Variants in ARK2N observed in about 807,000 individuals in gnomAD.
ARK2N encodes arkadia (RNF111) N-terminal like PKA signaling regulator 2N.
chr18:46,197,786 A>G, the ARK2N span, among the ~76,000 whole-genome samples: 1 of 152,212 alleles, frequency 6.6e-6, no homozygotes, highest in East Asian at 1.9e-4. Flanking sequence ...TGATATAAAT[A>G]GCATTTCTGA....
At chr18:46,212,280 C>T in the ARK2N span, among the ~76,000 whole-genome samples, 6 of 152,244 alleles carry the variant, frequency 3.9e-5, no homozygotes, top group East Asian at 9.7e-4. Context: ...TGTTTGTATA[C>T]ATCACAAATT....
the ARK2N span, among the ~76,000 whole-genome samples, chr18:46,202,791 A>T: frequency 6.6e-6 from 1 of 150,940 alleles, no homozygotes; most frequent in African/African-American, 2.5e-5. Flanking sequence ...CGGTCGCAAA[A>T]AAATAAAAAT....
At chr18:46,179,185 C>T in the ARK2N span, among the ~76,000 whole-genome samples, 12 of 152,116 alleles carry the variant, frequency 7.9e-5, no homozygotes, top group East Asian at 7.8e-4. Context: ...CTCAAGTGAT[C>T]GCCCACCTTG....
the ARK2N span, among the ~76,000 whole-genome samples, chr18:46,243,340 CT>C: frequency 6.6e-6 from 1 of 152,078 alleles, no homozygotes; most frequent in Non-Finnish European, 1.5e-5. Context: ...TGGGTCCTGT[CT>C]TTCCCTTTCA....
At chr18:46,249,231 T>C in the ARK2N span, among the ~76,000 whole-genome samples, 287 of 151,876 alleles carry the variant, frequency 1.9e-3, 2 homozygotes, top group Middle Eastern at 0.02. Flanking sequence ...GCAGCATTCT[T>C]TTTTTTTACT....
chr18:46,232,218 G>A, the ARK2N span: 3 of 152,134 alleles, frequency 2.0e-5, no homozygotes, highest in African/African-American at 7.2e-5. Context: ...TTACATGAAT[G>A]TTATAAGAAA....
At chr18:46,251,551 A>G in the ARK2N span, among the ~76,000 whole-genome samples, 2 of 152,116 alleles carry the variant, frequency 1.3e-5, no homozygotes, top group Non-Finnish European at 1.5e-5. Context: ...TTTCACATAT[A>G]TGCATCATTT....
the ARK2N span, chr18:46,262,969 T>C: frequency 9.3e-6 from 15 of 1,614,180 alleles, 1 homozygote; most frequent in South Asian, 1.5e-4. Context: ...GAGTGTTTCT[T>C]CATGGAAGCA....
the ARK2N span, chr18:46,216,389 A>C: frequency 6.2e-7 from 1 of 1,614,128 alleles, no homozygotes; most frequent in Non-Finnish European, 8.5e-7. This position sits in a 1 kb window ranked among gnomAD's most constrained non-coding sequence, Gnocchi z 4.3. Context: ...CGAGTCGCCA[A>C]GGTTAAAGGT....
the ARK2N span, among the ~76,000 whole-genome samples, chr18:46,258,005 C>A: frequency 6.6e-6 from 1 of 151,700 alleles, no homozygotes; most frequent in Non-Finnish European, 1.5e-5. Flanking sequence ...CGGCTCACTG[C>A]AACCTCTGCC....
chr18:46,216,677 G>A, the ARK2N span: 2 of 1,262,530 alleles, frequency 1.6e-6, no homozygotes, highest in Non-Finnish European at 2.2e-6. This position sits in a 1 kb window ranked among gnomAD's most constrained non-coding sequence, Gnocchi z 4.3. Context: ...AGTGACACTT[G>A]AAAAAATCCA....
chr18:46,206,258 T>A, the ARK2N span, among the ~76,000 whole-genome samples: 7 of 151,762 alleles, frequency 4.6e-5, no homozygotes, highest in African/African-American at 1.7e-4. Flanking sequence ...GCTAGTTTTT[T>A]AATTTTTTGT....
chr18:46,228,908 ATTTTGAAT>A, the ARK2N span: 2 of 398,102 alleles, frequency 5.0e-6, no homozygotes, highest in Non-Finnish European at 8.9e-6. Context: ...TAAGAATAAC[ATTTTGAAT>A]ATTTGAAAAG....
the ARK2N span, chr18:46,215,932 G>A: frequency 6.2e-7 from 1 of 1,614,100 alleles, no homozygotes; most frequent in South Asian, 1.1e-5. Flanking sequence ...TGAGTCCGAA[G>A]CCCCACCAAA....
chr18:46,201,814 GTTACCCAGGCTGGA>G, the ARK2N span, among the ~76,000 whole-genome samples: 1 of 141,214 alleles, frequency 7.1e-6, no homozygotes, highest in African/African-American at 2.6e-5. Context: ...GTCTCACTCT[GTTACCCAGGCTGGA>G]GTGCAGTGGA....
the ARK2N span, among the ~76,000 whole-genome samples, chr18:46,220,164 C>A: frequency 6.6e-6 from 1 of 152,130 alleles, no homozygotes; most frequent in African/African-American, 2.4e-5. Context: ...TAATACCCCT[C>A]GTGGCAGGTA....
chr18:46,234,684 G>A, the ARK2N span, among the ~76,000 whole-genome samples: 1 of 151,930 alleles, frequency 6.6e-6, no homozygotes, highest in African/African-American at 2.4e-5. Flanking sequence ...TCCTTGGCTA[G>A]ATAAGGTGTA....
the ARK2N span, among the ~76,000 whole-genome samples, chr18:46,180,908 G>A: frequency 2.0e-5 from 3 of 152,034 alleles, no homozygotes; most frequent in Non-Finnish European, 4.4e-5. Context: ...TTTTAAATAA[G>A]GTATTAGAAA....
the ARK2N span, among the ~76,000 whole-genome samples, chr18:46,250,035 A>G: frequency 1.3e-5 from 2 of 151,856 alleles, no homozygotes; most frequent in Non-Finnish European, 2.9e-5. Context: ...ATGTTCATCA[A>G]TACTTGGGTT....
Sources: allele counts gnomAD v4.1 joint callset (sites outside exome capture counted in the v4.1 genomes callset), GRCh38; gene constraint gnomAD v4.1.1; non-coding constraint Gnocchi (gnomAD v3.1); transcripts MANE v1.5; gene names NCBI Gene and HGNC (gene_info 2026-07-23, HGNC 2026-07-21).